The following SV2C variants were observed in gnomAD, a reference collection of about 807,000 sequenced individuals.
SV2C encodes synaptic vesicle glycoprotein 2C.
In SV2C, 49 loss-of-function variants were observed where a neutral mutation model predicts 79.7. The ratio of observed to expected loss-of-function variants is 0.61; its 90% CI spans 0.49 to 0.78. The LOEUF (loss-of-function observed/expected upper bound fraction) is 0.78. Ranked by LOEUF, SV2C falls within the 30% of genes least tolerant of loss-of-function variation. SV2C has a pLI of 0.00. For synonymous variants in SV2C, 334 were observed against 333.2 expected, an observed-to-expected ratio of 1.00 and a Z score of -0.03; for missense variants, 833 against 912.9, an observed-to-expected ratio of 0.91 and a Z score of 1.13.
At chr5:76,041,200 C>T in the SV2C span, among the ~76,000 whole-genome samples, 7 of 152,156 alleles carry the variant, frequency 4.6e-5, no homozygotes, top group East Asian at 7.7e-4. Context: ...AGCTAACCAA[C>T]GATAGATAAA....
At chr5:75,889,906 T>C in the SV2C span, among the ~76,000 whole-genome samples, 1 of 152,152 alleles carries the variant, frequency 6.6e-6, no homozygotes, top group Middle Eastern at 3.2e-3. Flanking sequence ...GGGATTTTTG[T>C]AACTTTTACA....
chr5:76,247,467 A>G lies in SV2C; in HGVS notation c.913+37580A>G, dbSNP rs527878852. 1.5e-4 allele frequency among the ~76,000 whole-genome samples: 23 copies of G among 152,332 alleles called. No individual in the cohort carries two copies. The South Asian group carries it at 4.1e-3, about 27-fold the overall frequency. Reference sequence around the variant, plus strand: ...AAGTGGATACTGTGAAGTGTGAATGAGAAATAGAAAAAACATTGTTTACTG... The same window carrying G: ...AAGTGGATACTGTGAAGTGTGAATGGGAAATAGAAAAAACATTGTTTACTG... On this transcript the variant is annotated intron_variant, in intron 4 of 12. Transcript: ENST00000502798.
At chr5:76,303,090 C>T (rs1173399818) in intron 12 of SV2C, among the ~76,000 whole-genome samples, 6 of 152,122 alleles carry the variant, frequency 3.9e-5, no homozygotes, top group Non-Finnish European at 8.8e-5. Flanking sequence ...ACCCCTCCAT[C>T]CATCTCCCTG....
the SV2C span, among the ~76,000 whole-genome samples, chr5:76,052,996 A>G: frequency 1.8e-4 from 27 of 152,058 alleles, no homozygotes; most frequent in Admixed American, 1.5e-3. Flanking sequence ...GATTAAACCA[A>G]TGGAGGAGAG....
the SV2C span, among the ~76,000 whole-genome samples, chr5:76,032,028 G>A: frequency 6.6e-6 from 1 of 152,162 alleles, no homozygotes. Context: ...AAAATGGGAA[G>A]ACTCTACATA....
At chr5:76,093,534 A>G (rs1313571278) in intron 1 of SV2C, among the ~76,000 whole-genome samples, 3 of 152,214 alleles carry the variant, frequency 2.0e-5, no homozygotes, top group Non-Finnish European at 2.9e-5. Context: ...TTTGACCTCC[A>G]TGCCTTGTCC....
At chr5:76,309,599 CAAAAAAA>C (rs769865757) in intron 12 of SV2C, among the ~76,000 whole-genome samples, 56 of 18,714 alleles carry the variant, frequency 3.0e-3, no homozygotes, top group Admixed American at 9.4e-3. Flanking sequence ...AACTCCATCT[CAAAAAAA>C]AAAAAAAAAA....
chr5:75,879,897 GGTGGA>G, the SV2C span, among the ~76,000 whole-genome samples: 1 of 152,194 alleles, frequency 6.6e-6, no homozygotes, highest in Non-Finnish European at 1.5e-5. Context: ...CTGAAATCTA[GGTGGA>G]ACTCACCAAG....
upstream of SV2C, among the ~76,000 whole-genome samples, chr5:76,082,602 C>A: frequency 6.7e-6 from 1 of 148,370 alleles, no homozygotes; most frequent in African/African-American, 2.5e-5. Context: ...TTTCTTCCTC[C>A]TCCTCCTCTC....
At chr5:75,899,027 A>T in the SV2C span, among the ~76,000 whole-genome samples, 1 of 151,974 alleles carries the variant, frequency 6.6e-6, no homozygotes, top group Non-Finnish European at 1.5e-5. Context: ...CAGCTCCTGG[A>T]TTCATTAATT....
chr5:76,054,613 G>A, the SV2C span, among the ~76,000 whole-genome samples: 1 of 152,192 alleles, frequency 6.6e-6, no homozygotes, highest in African/African-American at 2.4e-5. Flanking sequence ...CCCACCAACA[G>A]TGTAAAAGCA....
chr5:75,979,599 G>C, the SV2C span, among the ~76,000 whole-genome samples: 1 of 151,622 alleles, frequency 6.6e-6, no homozygotes, highest in Admixed American at 6.6e-5. Flanking sequence ...AATTACATGG[G>C]AACTGAATAA....
At chr5:76,281,118 A>G in intron 4 of SV2C, 1 of 542,426 alleles carries the variant, frequency 1.8e-6, no homozygotes, top group East Asian at 5.3e-5. Context: ...ATTACCTTAT[A>G]CAGATGACAA....
At chr5:75,999,015 A>G in the SV2C span, among the ~76,000 whole-genome samples, 1 of 152,122 alleles carries the variant, frequency 6.6e-6, no homozygotes, top group Non-Finnish European at 1.5e-5. Context: ...ATCATGGCAG[A>G]AGGCAAGGAG....
chr5:76,291,064 A>G (rs1424594535), intron 6 of SV2C, among the ~76,000 whole-genome samples, 157 bp from the exon 7 acceptor site: 1 of 152,098 alleles, frequency 6.6e-6, no homozygotes, highest in Non-Finnish European at 1.5e-5. Flanking sequence ...GGATCCATAT[A>G]CTTATGGCAG....
intron 4 of SV2C, among the ~76,000 whole-genome samples, chr5:76,229,501 T>C (rs1745349008): frequency 6.6e-6 from 1 of 152,242 alleles, no homozygotes; most frequent in South Asian, 2.1e-4. Context: ...CTAGGAGCCA[T>C]GTCAGCTGAC....
At chr5:75,858,150 C>T in the SV2C span, among the ~76,000 whole-genome samples, 2 of 152,152 alleles carry the variant, frequency 1.3e-5, no homozygotes, top group African/African-American at 4.8e-5. Context: ...CGGTGAATAA[C>T]AGTGGCGGAA....
At chr5:76,280,334 T>A (rs1171580716) in intron 4 of SV2C, among the ~76,000 whole-genome samples, 4 of 151,776 alleles carry the variant, frequency 2.6e-5, no homozygotes, top group Non-Finnish European at 5.9e-5. Context: ...CAGCAACAAG[T>A]AGGCTAAACT....
At chr5:76,111,404 T>C (rs903544149) in intron 1 of SV2C, among the ~76,000 whole-genome samples, 4 of 152,224 alleles carry the variant, frequency 2.6e-5, no homozygotes, top group Non-Finnish European at 5.9e-5. Flanking sequence ...AAATAATTCA[T>C]GTGAATTATG....
Sources: gnomAD v4.1 joint callset for allele counts (sites outside exome capture counted in the v4.1 genomes callset) on GRCh38, gnomAD v4.1.1 for gene constraint, MANE v1.5 for transcripts, NCBI Gene and HGNC (gene_info 2026-07-23, HGNC 2026-07-21) for gene names.